Variants in SGCZ observed in about 807,000 individuals in gnomAD.
SGCZ encodes the protein sarcoglycan zeta.
A neutral mutation model predicts 41.3 loss-of-function variants in SGCZ; 40 were observed. The observed-to-expected ratio is 0.97, with a 90% confidence interval of 0.75 to 1.26. The LOEUF (loss-of-function observed/expected upper bound fraction) is 1.26. SGCZ is among the 50% of genes most tolerant of loss of function. The pLI is 0.00. For synonymous variants in SGCZ, 206 were observed against 137.5 expected (o/e 1.50, Z -3.49); for missense variants, 552 against 369.8 (o/e 1.49, Z -4.04).
intron 1 of SGCZ, among the ~76,000 whole-genome samples, chr8:14,793,031 A>G (rs1441347733): frequency 1.3e-5 from 2 of 152,240 alleles, no homozygotes; most frequent in Non-Finnish European, 2.9e-5. Context: ...GAATTACAAT[A>G]TAAAAGATAC....
intron 5 of SGCZ, among the ~76,000 whole-genome samples, chr8:14,132,356 A>G (rs1803067683): frequency 6.6e-6 from 1 of 152,200 alleles, no homozygotes; most frequent in African/African-American, 2.4e-5. Flanking sequence ...ACATGATTGC[A>G]ACAAAATACA....
chr8:14,419,591 A>T (rs556145755), intron 2 of SGCZ, among the ~76,000 whole-genome samples: 1 of 152,132 alleles, frequency 6.6e-6, no homozygotes, highest in African/African-American at 2.4e-5. Context: ...CCTTGCTGAC[A>T]TGCTACAAAA....
chr8:14,176,099 T>C (rs981480785), intron 4 of SGCZ, among the ~76,000 whole-genome samples: 5 of 152,154 alleles, frequency 3.3e-5, no homozygotes, highest in African/African-American at 9.7e-5. Flanking sequence ...TGAATCTTAA[T>C]AGGAGATTAT....
intron 1 of SGCZ, among the ~76,000 whole-genome samples, chr8:15,044,553 A>G (rs1804231677): frequency 6.6e-6 from 1 of 152,190 alleles, no homozygotes; most frequent in Non-Finnish European, 1.5e-5. Flanking sequence ...AAGATTTCTG[A>G]AAATCCACCT....
chr8:14,989,719 G>A (rs1183721538), intron 1 of SGCZ, among the ~76,000 whole-genome samples: 1 of 152,158 alleles, frequency 6.6e-6, no homozygotes, highest in African/African-American at 2.4e-5. Flanking sequence ...TCTGTCACGA[G>A]CAGAAATGAG....
At chr8:14,359,647 C>A (rs1018342791) in intron 2 of SGCZ, among the ~76,000 whole-genome samples, 5 of 151,838 alleles carry the variant, frequency 3.3e-5, no homozygotes, top group Admixed American at 6.6e-5. Flanking sequence ...AGTCTCTCAG[C>A]AAAGAAAAGC....
intron 1 of SGCZ, among the ~76,000 whole-genome samples, chr8:14,954,481 C>T (rs570610399): frequency 6.6e-6 from 1 of 152,162 alleles, no homozygotes; most frequent in Non-Finnish European, 1.5e-5. Flanking sequence ...TTGTTAAAAC[C>T]AGTAAAAGAT....
At chr8:14,325,765 T>C (rs1386163894) in intron 2 of SGCZ, among the ~76,000 whole-genome samples, 4,939 of 70,670 alleles carry the variant, frequency 0.07, 316 homozygotes, top group African/African-American at 0.3. Context: ...TATATATATA[T>C]ATATATATAT....
chr8:14,729,464 A>G (rs1810161921), intron 1 of SGCZ, among the ~76,000 whole-genome samples: 1 of 152,216 alleles, frequency 6.6e-6, no homozygotes, highest in Admixed American at 6.5e-5. Context: ...TGTAAAGGTG[A>G]GGACTTATTT....
chr8:15,168,525 C>T (rs1463362982), intron 1 of SGCZ, among the ~76,000 whole-genome samples: 1 of 152,108 alleles, frequency 6.6e-6, no homozygotes, highest in African/African-American at 2.4e-5. Flanking sequence ...GCAGTACCTG[C>T]CAAGGTCGCT....
At chr8:15,141,081 C>G (rs537374449) in intron 1 of SGCZ, among the ~76,000 whole-genome samples, 3 of 152,330 alleles carry the variant, frequency 2.0e-5, no homozygotes, top group Non-Finnish European at 2.9e-5. Context: ...GCCCTGACTT[C>G]TTATGTAATT....
chr8:14,888,375 C>A (rs1053862402), intron 1 of SGCZ, among the ~76,000 whole-genome samples: 2 of 152,084 alleles, frequency 1.3e-5, no homozygotes, highest in African/African-American at 2.4e-5. Flanking sequence ...ACGTGAGAAG[C>A]TTTGCCATCT....
intron 5 of SGCZ, among the ~76,000 whole-genome samples, chr8:14,134,039 C>T (rs1803121353): frequency 6.6e-6 from 1 of 152,154 alleles, no homozygotes; most frequent in African/African-American, 2.4e-5. Flanking sequence ...ATGATAGAAT[C>T]CAATACATTA....
chr8:14,167,767 G>A (rs910262545), intron 4 of SGCZ, among the ~76,000 whole-genome samples: 2 of 152,096 alleles, frequency 1.3e-5, no homozygotes, highest in Non-Finnish European at 2.9e-5. Flanking sequence ...TTCTCTCAGA[G>A]ATGGCTCCAT....
chr8:14,171,223 C>A (rs117971782), intron 4 of SGCZ, among the ~76,000 whole-genome samples: 1 of 147,860 alleles, frequency 6.8e-6, no homozygotes, highest in Non-Finnish European at 1.5e-5. Context: ...TCTTCGGCTA[C>A]ATTTTGACAC....
chr8:14,920,737 T>G (rs930282325), intron 1 of SGCZ, among the ~76,000 whole-genome samples: 1 of 152,234 alleles, frequency 6.6e-6, no homozygotes, highest in African/African-American at 2.4e-5. Flanking sequence ...ACTTTTAATA[T>G]AGTTAACTAT....
chr8:14,678,301 A>C (rs1205586768), intron 1 of SGCZ, among the ~76,000 whole-genome samples: 3 of 152,214 alleles, frequency 2.0e-5, no homozygotes, highest in Admixed American at 2.0e-4. Flanking sequence ...ATATTTGAAA[A>C]AGGACAATAA....
At chr8:14,100,238 A>G (rs1009653874) in intron 7 of SGCZ, among the ~76,000 whole-genome samples, 1 of 151,894 alleles carries the variant, frequency 6.6e-6, no homozygotes, top group Admixed American at 6.6e-5. Context: ...CACAATACTC[A>G]TTTGACAATG....
At chr8:14,695,704 C>T (rs1017119370) in intron 1 of SGCZ, among the ~76,000 whole-genome samples, 2 of 151,960 alleles carry the variant, frequency 1.3e-5, no homozygotes, top group African/African-American at 4.8e-5. Flanking sequence ...CGCACACACA[C>T]ACACACACAA....
Sources: gnomAD v4.1 joint callset for allele counts (sites outside exome capture counted in the v4.1 genomes callset) on GRCh38, gnomAD v4.1.1 for gene constraint, MANE v1.5 for transcripts, NCBI Gene and HGNC (gene_info 2026-07-23, HGNC 2026-07-21) for gene names.